The following PFKL variants were observed in gnomAD, a reference collection of about 807,000 sequenced individuals.
PFKL encodes ATP-dependent 6-phosphofructokinase, liver type.
Under a neutral mutation model 92.1 loss-of-function variants are expected in PFKL, and 74 were observed. The observed-to-expected ratio is 0.80, with a 90% CI of 0.67 to 0.97. PFKL has a LOEUF of 0.97. Ranked by LOEUF, PFKL falls within the 50% of genes least tolerant of loss-of-function variation. The pLI is 0.00. For synonymous variants in PFKL, 494 were observed against 456.4 expected (o/e 1.08, Z -1.05); for missense variants, 1,028 against 1,116.6 (o/e 0.92, Z 1.13).
At position 44,327,132 on chromosome 21, in the gene PFKL, T is replaced by G. The variant is rs2047537168; in HGVS notation, c.*270T>G. 2.0e-6 allele frequency: 1 copy of G among 509,952 alleles called. No individual in the cohort carries two copies. Among genetic ancestry groups the G allele is most frequent in the African/African-American group, 1.9e-5 (1 of 52,108 alleles). 31.6% of individuals were successfully genotyped at this position (509,952 alleles called of 1,614,324 possible). ...CAGGGGACGTGGCGCTGTCGGTGTT[T>G]GGAGGCTGCTGCCCCCTGGCTTTGG... On this transcript the variant is annotated 3_prime_UTR_variant, in exon 22 of 22. Transcript: ENST00000349048.
chr21:44,313,717 G>T, intron 6 of PFKL, 35 bp downstream of exon 6: 3 of 1,592,626 alleles, frequency 1.9e-6, no homozygotes, highest in Non-Finnish European at 2.6e-6. Flanking sequence ...TGGGTGGCCC[G>T]GGTGCTGCTG....
rs1375075490 is a variant in PFKL, at chr21:44,306,760, G to A, written c.159+6G>A. 1 of 1,613,060 alleles carries A rather than the reference G, an allele frequency of 6.2e-7. No individual in the cohort carries two copies. Among genetic ancestry groups the A allele is most frequent in the Non-Finnish European group, 8.5e-7 (1 of 1,179,302 alleles). On this transcript the variant is annotated splice_donor_region_variant and intron_variant, in intron 2 of 21. Coordinates refer to ENST00000349048, the MANE Select transcript of PFKL (RefSeq NM_002626.6). The stretch of plus-strand genomic sequence containing the variant: ...AAGTCTTCCTCATCTACGAGGTAAG[G>A]CCAAGGTGGGCTGTGTGTGTGCAGG...
intron 7 of PFKL, 107 bp from the exon 8 acceptor site, chr21:44,316,137 T>G: frequency 3.9e-5 from 37 of 951,970 alleles, no homozygotes; most frequent in Non-Finnish European, 4.9e-5. Context: ...CCCTGGCCCA[T>G]GTGGGTTGGG....
At chr21:44,306,860 C>A in intron 2 of PFKL, 106 bp downstream of exon 2, 1 of 971,334 alleles carries the variant, frequency 1.0e-6, no homozygotes, top group Non-Finnish European at 1.6e-6. Flanking sequence ...TGGTCCTGGC[C>A]TGGAGGAGCT....
intron 3 of PFKL, 32 bp from the exon 4 acceptor site, chr21:44,312,073 C>G (rs778989014): frequency 3.9e-5 from 55 of 1,402,374 alleles, no homozygotes; most frequent in Non-Finnish European, 4.9e-5. Flanking sequence ...CGCCTGCCAT[C>G]TCTCCTGAAG....
intron 1 of PFKL, among the ~76,000 whole-genome samples, chr21:44,300,674 C>T (rs368003019): frequency 1.3e-5 from 2 of 152,362 alleles, no homozygotes; most frequent in East Asian, 1.9e-4. Context: ...TCGGGGCCCT[C>T]GCGGCCGCCT....
At chr21:44,324,307 G>A (rs2047437476) in intron 16 of PFKL, 184 bp from the exon 17 acceptor site, 3 of 634,264 alleles carry the variant, frequency 4.7e-6, no homozygotes, top group Admixed American at 2.9e-5. Flanking sequence ...TCGCCTGGTT[G>A]AGAACCCCTG....
intron 15 of PFKL, among the ~76,000 whole-genome samples, chr21:44,323,297 G>A (rs761174583): frequency 3.3e-5 from 5 of 152,088 alleles, no homozygotes; most frequent in South Asian, 4.1e-4. Flanking sequence ...TACTTTCTCC[G>A]GAAAGCTTCA....
intron 15 of PFKL, 80 bp downstream of exon 15, chr21:44,323,129 A>G (rs1425985493): frequency 8.2e-7 from 1 of 1,214,680 alleles, no homozygotes; most frequent in Non-Finnish European, 1.2e-6. Flanking sequence ...CCCATCCTGA[A>G]AACCCGTGTG....
intron 9 of PFKL, among the ~76,000 whole-genome samples, chr21:44,318,191 C>T (rs2047259895): frequency 6.6e-6 from 1 of 152,240 alleles, no homozygotes; most frequent in Non-Finnish European, 1.5e-5. Context: ...CTAGCGATGG[C>T]AGCGAGCGAC....
At chr21:44,305,558 A>G in intron 1 of PFKL, 1 of 845,994 alleles carries the variant, frequency 1.2e-6, no homozygotes. Context: ...CAGGAAGAGC[A>G]GGGCTGGTCC....
chr21:44,324,416 G>T, intron 16 of PFKL, 75 bp from the exon 17 acceptor site: 9 of 1,510,650 alleles, frequency 6.0e-6, no homozygotes, highest in Non-Finnish European at 5.5e-6. Flanking sequence ...AGGGCTCCCT[G>T]CAGGGTAGCC....
intron 6 of PFKL, 62 bp from the exon 7 acceptor site, chr21:44,313,851 C>A: frequency 7.1e-7 from 1 of 1,411,862 alleles, no homozygotes; most frequent in Non-Finnish European, 9.7e-7. Context: ...CCTCTGGGTA[C>A]AGGGAAGCTC....
At chr21:44,307,142 G>A in intron 2 of PFKL, 1 of 296,286 alleles carries the variant, frequency 3.4e-6, no homozygotes, top group South Asian at 1.3e-4. Flanking sequence ...GTGAGTGGGG[G>A]CCAGGGACCT....
intron 7 of PFKL, chr21:44,314,587 G>C (rs2047148373): frequency 7.4e-6 from 1 of 134,728 alleles, no homozygotes; most frequent in Non-Finnish European, 1.5e-5. Flanking sequence ...GCCTCTGGGA[G>C]GGATGGGGGG....
At chr21:44,326,374 G>C (rs372405380) in intron 21 of PFKL, 110 bp downstream of exon 21, 7 of 805,994 alleles carry the variant, frequency 8.7e-6, no homozygotes. Context: ...ACCCCGCAAG[G>C]CCTCCTGGGC....
chr21:44,305,829 G>A, intron 1 of PFKL: 1 of 1,366,922 alleles, frequency 7.3e-7, no homozygotes, highest in Non-Finnish European at 9.8e-7. Context: ...CCCCCGCTGG[G>A]ACAGACTGTT....
At chr21:44,315,578 T>A (rs920110651) in intron 7 of PFKL, 1 of 153,524 alleles carries the variant, frequency 6.5e-6, no homozygotes, top group Non-Finnish European at 1.4e-5. Context: ...TCAGAGCGAG[T>A]CCCACAAATG....
chr21:44,325,749 C>T, intron 19 of PFKL: 1 of 572,242 alleles, frequency 1.7e-6, no homozygotes, highest in Non-Finnish European at 3.1e-6. Context: ...CGACTGCCGG[C>T]CTCGGGAGGC....
Sources: gnomAD v4.1 joint callset for allele counts (sites outside exome capture counted in the v4.1 genomes callset) on GRCh38, gnomAD v4.1.1 for gene constraint, MANE v1.5 for transcripts, NCBI Gene and HGNC (gene_info 2026-07-23, HGNC 2026-07-21) for gene names.